Variants in ZNF568 observed in about 807,000 individuals in gnomAD.
ZNF568 encodes the protein p53 inhibitor of SCO2 activation.
In ZNF568, 11 loss-of-function variants were observed where a neutral mutation model predicts 18.1. That is an observed-to-expected ratio of 0.61 (90% CI 0.38 to 1.00). The LOEUF is 1.00. Among genes scored for constraint, ZNF568 ranks in the 50% least tolerant of loss-of-function variants. The pLI is 0.01. For synonymous variants in ZNF568, 213 were observed against 246.6 expected, an observed-to-expected ratio of 0.86 and a Z score of 1.28; for missense variants, 639 against 768.2, an observed-to-expected ratio of 0.83 and a Z score of 1.99.
exon 4 of ZNF568, chr19:36,991,767 G>T: frequency 6.3e-7 from 1 of 1,576,860 alleles, no homozygotes; most frequent in Non-Finnish European, 8.6e-7. Flanking sequence ...CTGATACTAA[G>T]CCAAATGTGA....
At chr19:36,959,874 T>C (rs1222840802) in intron 6 of ZNF568, among the ~76,000 whole-genome samples, 1 of 152,100 alleles carries the variant, frequency 6.6e-6, no homozygotes. Flanking sequence ...CAATTTTGCT[T>C]ATTTGGGTAT....
chr19:36,917,670 T>G (rs1298745007), intron 2 of ZNF568, 22 bp downstream of exon 2: 1 of 152,244 alleles, frequency 6.6e-6, no homozygotes, highest in African/African-American at 2.4e-5. Flanking sequence ...TCAGTGGCAT[T>G]TATCATGATT....
chr19:36,993,437 A>C (rs922174219), intron 4 of ZNF568, among the ~76,000 whole-genome samples: 1 of 152,052 alleles, frequency 6.6e-6, no homozygotes, highest in Non-Finnish European at 1.5e-5. Flanking sequence ...GAATTAGAAA[A>C]TGTTTCTTCG....
chr19:36,978,067 A>G (rs1231321658), intron 7 of ZNF568, among the ~76,000 whole-genome samples: 1 of 152,248 alleles, frequency 6.6e-6, no homozygotes, highest in African/African-American at 2.4e-5. Context: ...AGTAGATACT[A>G]CATTGAACTG....
At chr19:36,976,770 T>C (rs986623054) in intron 7 of ZNF568, among the ~76,000 whole-genome samples, 77 of 152,204 alleles carry the variant, frequency 5.1e-4, no homozygotes, top group African/African-American at 1.4e-3. Context: ...ATTAGCCAGA[T>C]GTGGTGGCGC....
At chr19:36,997,700 C>G (rs1419330887), downstream of ZNF568, 1 of 913,666 alleles carries the variant, frequency 1.1e-6, no homozygotes, top group Non-Finnish European at 1.7e-6. Flanking sequence ...AGAATTCATT[C>G]AGGACAGAGG....
At chr19:36,956,459 T>A (rs1467594954), downstream of ZNF568, among the ~76,000 whole-genome samples, 1 of 152,178 alleles carries the variant, frequency 6.6e-6, no homozygotes, top group African/African-American at 2.4e-5. Context: ...CTTTATTCAT[T>A]TCCTTACTGC....
exon 8 of ZNF568, chr19:36,979,588 C>T (rs558566625): frequency 2.6e-5 from 4 of 152,284 alleles, no homozygotes; most frequent in African/African-American, 4.8e-5. Context: ...TATTACTTGT[C>T]CTCCAACGAG....
chr19:36,936,930 G>A (rs151311962), intron 5 of ZNF568, 58 bp downstream of exon 5: 2 of 1,589,760 alleles, frequency 1.3e-6, no homozygotes, highest in African/African-American at 2.7e-5. Flanking sequence ...TTTCTGAAAT[G>A]TGTGAAGACT....
chr19:36,970,661 C>T (rs2074229116), intron 6 of ZNF568, among the ~76,000 whole-genome samples: 1 of 151,968 alleles, frequency 6.6e-6, no homozygotes, highest in Non-Finnish European at 1.5e-5. Context: ...TTTTATGCCA[C>T]TTAGACAAAA....
downstream of ZNF568, among the ~76,000 whole-genome samples, chr19:36,980,749 C>T (rs1229830829): frequency 6.6e-6 from 1 of 152,158 alleles, no homozygotes; most frequent in Non-Finnish European, 1.5e-5. Flanking sequence ...GCTTCAGTGC[C>T]CAGTTTTTAC....
At chr19:36,940,945 T>G (rs1403400227) in intron 6 of ZNF568, among the ~76,000 whole-genome samples, 1 of 152,222 alleles carries the variant, frequency 6.6e-6, no homozygotes, top group East Asian at 1.9e-4. Flanking sequence ...TGTAAGAGAT[T>G]AGTGAAATCA....
chr19:36,944,749 G>A (rs949967616), intron 6 of ZNF568, among the ~76,000 whole-genome samples: 2 of 152,042 alleles, frequency 1.3e-5, no homozygotes, highest in Non-Finnish European at 2.9e-5. Flanking sequence ...TGACCCTTAA[G>A]GAGTAACACT....
At chr19:36,996,855 G>A in exon 5 of ZNF568, 1 of 1,538,160 alleles carries the variant, frequency 6.5e-7, no homozygotes, top group Non-Finnish European at 8.7e-7. Context: ...ATCAGAGGAT[G>A]CATCTTGGTG....
intron 4 of ZNF568, among the ~76,000 whole-genome samples, chr19:36,995,800 C>T (rs1644693): frequency 0.54 from 81,319 of 151,966 alleles, 22,278 homozygotes; most frequent in African/African-American, 0.62. Context: ...TTTAATCTTA[C>T]ATAAATACTT....
chr19:36,920,911 T>G (rs1324384936), intron 2 of ZNF568, among the ~76,000 whole-genome samples: 2 of 152,188 alleles, frequency 1.3e-5, no homozygotes, highest in African/African-American at 4.8e-5. Flanking sequence ...TGTTTAGGTA[T>G]GTTTAGATAT....
chr19:36,965,563 T>C (rs538595175), intron 6 of ZNF568, among the ~76,000 whole-genome samples: 2 of 152,284 alleles, frequency 1.3e-5, no homozygotes, highest in East Asian at 1.9e-4. Flanking sequence ...TTCATTCTTA[T>C]AAGCATGGAC....
downstream of ZNF568, among the ~76,000 whole-genome samples, chr19:36,984,141 C>T (rs1377979826): frequency 1.3e-5 from 2 of 152,078 alleles, no homozygotes; most frequent in Non-Finnish European, 2.9e-5. Context: ...CCTCATGATC[C>T]CCCCACCTCG....
In ZNF568 at chr19:36,961,772, C is replaced by T. The variant is rs1389622857; in HGVS notation, c.359-12648C>T. On this transcript the variant is annotated intron_variant, in intron 6 of 7. Transcript: ENST00000427117. ...TCCTGACCTCAGGTGATCCTCCCAC[C>T]TCAGCCTTCCAAAGTGCTGGGATTA... 2.6e-5 allele frequency among the ~76,000 whole-genome samples: 4 copies of T among 152,172 alleles called. No individual in the cohort carries two copies. In the East Asian group the frequency reaches 7.7e-4, roughly 29 times the overall value.
Sources: allele counts gnomAD v4.1 joint callset (sites outside exome capture counted in the v4.1 genomes callset), GRCh38; gene constraint gnomAD v4.1.1; transcripts MANE v1.5; gene names NCBI Gene and HGNC (gene_info 2026-07-23, HGNC 2026-07-21).